The following IQCH variants were observed in gnomAD, a reference collection of about 807,000 sequenced individuals.
The protein encoded by IQCH is IQ motif containing H, also known as IQ domain-containing protein H.
A neutral mutation model predicts 117.0 loss-of-function variants in IQCH; 98 were observed. That is an observed-to-expected ratio of 0.84 (90% CI 0.71 to 0.99). IQCH has a LOEUF of 0.99. Ranked by LOEUF, IQCH falls within the 50% of genes least tolerant of loss-of-function variation. The probability of loss-of-function intolerance (pLI) is 0.00; values close to 1 mark genes in which losing one functional copy is unlikely to be tolerated. For missense variants in IQCH, 1,102 were observed against 1,243.8 expected (o/e 0.89, Z 1.72); for synonymous variants, 412 against 448.2 (o/e 0.92, Z 1.02).
At position 67,500,978 on chromosome 15, in the gene IQCH, C is replaced by A; in HGVS notation, c.*232C>A. The A allele has an allele frequency of 3.5e-6, 1 of 285,188 alleles. No homozygotes were observed. 17.7% of individuals were successfully genotyped at this position (285,188 alleles called of 1,614,324 possible). A position where few individuals can be genotyped will look rare whatever the true frequency, so the allele number is the denominator to read the frequency against. On this transcript the variant is annotated 3_prime_UTR_variant, in exon 21 of 21. Coordinates refer to ENST00000335894, the MANE Select transcript of IQCH (RefSeq NM_001031715.3). The surrounding 1 kb of genome is among the most constrained non-coding windows in gnomAD (Gnocchi z 4.4). ...TTTCATTTGAGAGTGTTGAACAATC[C>A]CTTCTTCTTCTCAAACTCAGAAAAA... is the stretch of plus-strand genomic sequence containing the variant.
chr15:67,469,047 T>G (rs1360227405), intron 17 of IQCH, among the ~76,000 whole-genome samples: 1 of 152,248 alleles, frequency 6.6e-6, no homozygotes, highest in Non-Finnish European at 1.5e-5. Context: ...GCTTCCTTTA[T>G]TTAGCTTGAA....
chr15:67,306,882 C>T, intron 4 of IQCH: 1 of 1,522,232 alleles, frequency 6.6e-7, no homozygotes, highest in Non-Finnish European at 8.8e-7. Flanking sequence ...TTCATGTTCC[C>T]TCACTGACAT....
At position 67,443,417 on chromosome 15, in the gene IQCH, G is replaced by A. The variant is rs1046491110; in HGVS notation, c.2506-21710G>A. ...TAAGAATGATACAATCGACTTTGGG[G>A]ACTTGGGGGAAAGAGTGGGAGGGGG... is the stretch of plus-strand genomic sequence containing the variant. On this transcript the variant is annotated intron_variant, in intron 16 of 20. Coordinates refer to ENST00000335894, the MANE Select transcript of IQCH (RefSeq NM_001031715.3). This position sits in a 1 kb window ranked among gnomAD's most constrained non-coding sequence, Gnocchi z 5.0. 6.6e-5 allele frequency among the ~76,000 whole-genome samples: 10 copies of A among 152,136 alleles called. No individual in the cohort carries two copies. The highest frequency in any genetic ancestry group is 2.4e-4 in the African/African-American group (10 of 41,428).
chr15:67,372,104 TCCACAGGC>T lies in IQCH; in HGVS notation c.754-5_756del. 1 of 1,579,896 alleles carries T rather than the reference TCCACAGGC, an allele frequency of 6.3e-7. No homozygotes were observed. Among genetic ancestry groups the T allele is most frequent in the Middle Eastern group, 1.8e-4 (1 of 5,684 alleles). On this transcript the variant is annotated splice_acceptor_variant and splice_polypyrimidine_tract_variant and coding_sequence_variant and intron_variant, in exon 9 of 21. Transcript: ENST00000335894. LOFTEE classifies it high-confidence loss of function. The stretch of plus-strand genomic sequence containing the variant: ...CACTTCTAAAATATATTTCTTTTTT[TCCACAGGC>T]CATGAAAGTCAAAACACCTTTGAGA...
At chr15:67,444,838 A>T (rs186559708) in intron 16 of IQCH, among the ~76,000 whole-genome samples, 1 of 152,242 alleles carries the variant, frequency 6.6e-6, no homozygotes, top group East Asian at 1.9e-4. Flanking sequence ...TTTTGCCAAA[A>T]CCTTACTATG....
chr15:67,332,894 G>A (rs893153533), intron 4 of IQCH, among the ~76,000 whole-genome samples: 8 of 152,114 alleles, frequency 5.3e-5, no homozygotes, highest in Non-Finnish European at 1.2e-4. Flanking sequence ...TTGTCCATTT[G>A]GGCTGCTATA....
In IQCH at chr15:67,465,232, G is replaced by GA; in HGVS notation, c.2613dup (p.Val872SerfsTer53). ...TCTGGATTGCAGTTTGAGCACCCTG[G>GA]AAGTGCCCCGCTTTGTTCCAAAGGA... On this transcript the variant is annotated frameshift_variant, in exon 17 of 21. Transcript: ENST00000335894. LOFTEE classifies it high-confidence loss of function. The surrounding 1 kb of genome is among the most constrained non-coding windows in gnomAD (Gnocchi z 5.9). The GA allele has an allele frequency of 6.2e-7, 1 of 1,614,030 alleles. No homozygotes were observed.
chr15:67,310,980 C>A (rs1019203281), intron 4 of IQCH, among the ~76,000 whole-genome samples: 1 of 152,030 alleles, frequency 6.6e-6, no homozygotes, highest in East Asian at 1.9e-4. Flanking sequence ...ATTGTAGTAG[C>A]ATTTATTAAG....
chr15:67,315,192 C>T (rs1424978144), intron 4 of IQCH, among the ~76,000 whole-genome samples: 1 of 152,142 alleles, frequency 6.6e-6, no homozygotes, highest in Non-Finnish European at 1.5e-5. Context: ...TTCAAATCAG[C>T]CTGATCTGAT....
In IQCH at chr15:67,445,221, T is replaced by C. The variant is rs191573281; in HGVS notation, c.2506-19906T>C. On this transcript the variant is annotated intron_variant, in intron 16 of 20. Transcript: ENST00000335894. This position sits in a 1 kb window ranked among gnomAD's most constrained non-coding sequence, Gnocchi z 4.3. ...CCTTTAAAATCCCTGAAAACCTTTA[T>C]CAAGTTACATGAATCTTTTGCATAA... Among the ~76,000 whole-genome samples the C allele has an allele frequency of 6.6e-6, 1 of 152,316 alleles. No individual in the cohort carries two copies. The highest frequency in any genetic ancestry group is 2.4e-5 in the African/African-American group (1 of 41,558).
intron 10 of IQCH, among the ~76,000 whole-genome samples, chr15:67,374,573 G>T (rs889288996): frequency 6.6e-6 from 1 of 152,052 alleles, no homozygotes; most frequent in African/African-American, 2.4e-5. Flanking sequence ...CTAGACTCTG[G>T]AGTACTTAGA....
intron 10 of IQCH, among the ~76,000 whole-genome samples, chr15:67,377,344 A>G (rs994837530): frequency 1.3e-5 from 2 of 152,024 alleles, no homozygotes; most frequent in Non-Finnish European, 2.9e-5. Flanking sequence ...TTAATTGGAT[A>G]TTACATATTT....
At position 67,443,603 on chromosome 15, in the gene IQCH, G is replaced by A. The variant is rs965438259; in HGVS notation, c.2506-21524G>A. Among the ~76,000 whole-genome samples the A allele has an allele frequency of 2.6e-5, 4 of 152,012 alleles. No homozygotes were observed. The highest frequency in any genetic ancestry group is 2.1e-4 in the South Asian group (1 of 4,812). ...AAATAAAATAAATAAATGCATTATC[G>A]TCCTACCTCCCACATATTACCTTCA... is the stretch of plus-strand genomic sequence containing the variant. On this transcript the variant is annotated intron_variant, in intron 16 of 20. Coordinates refer to ENST00000335894, the MANE Select transcript of IQCH (RefSeq NM_001031715.3). The surrounding 1 kb of genome is among the most constrained non-coding windows in gnomAD (Gnocchi z 5.0).
chr15:67,372,303 G>A lies in IQCH; in HGVS notation c.946G>A (p.Glu316Lys). 4 of 1,614,080 alleles carry A rather than the reference G, an allele frequency of 2.5e-6. No individual in the cohort carries two copies. Among genetic ancestry groups the A allele is most frequent in the Non-Finnish European group, 3.4e-6 (4 of 1,180,002 alleles). Residue 316 changes from glutamate (E) to lysine (K), a missense_variant, in exon 9 of 21, where the codon GAA becomes AAA. Glu to Lys is a moderately conservative substitution (Grantham distance 56). Around this residue, in one of 2 missense-constraint regions of IQCH, gnomAD observed 452 missense variants for 449.6 expected, o/e 1.01. Coordinates refer to ENST00000335894, the MANE Select transcript of IQCH (RefSeq NM_001031715.3). Reference sequence around the variant, plus strand: ...GTTTCTCAGGAACTATGCTATACCAGAAGTCAAAATAAAAGGGAATAATTT... The same window carrying A: ...GTTTCTCAGGAACTATGCTATACCAAAAGTCAAAATAAAAGGGAATAATTT... Reference protein sequence around the residue: ...EKFLRNYAIPEVKIKGNNLVA... With the variant: ...EKFLRNYAIPKVKIKGNNLVA...
chr15:67,299,256 G>A (rs953374648), intron 4 of IQCH, among the ~76,000 whole-genome samples: 4 of 151,790 alleles, frequency 2.6e-5, no homozygotes, highest in African/African-American at 9.7e-5. Context: ...TAGAAGGATG[G>A]TTACCAGAGG....
chr15:67,487,788 T>C (rs1290293569), intron 18 of IQCH, among the ~76,000 whole-genome samples: 1 of 152,216 alleles, frequency 6.6e-6, no homozygotes, highest in East Asian at 1.9e-4. Context: ...GTCCTAATTC[T>C]GGCATGTGAT....
chr15:67,341,365 C>T (rs1439766709), intron 5 of IQCH, among the ~76,000 whole-genome samples: 1 of 152,184 alleles, frequency 6.6e-6, no homozygotes, highest in Non-Finnish European at 1.5e-5. Flanking sequence ...AACTAACAAA[C>T]TGTATTCTCT....
rs1293405301 is a variant in IQCH, at chr15:67,373,429, A to T, written c.1368A>T (p.Ser456=). The part of the protein sequence containing the change: ...TSRRTIIHIP[S]LGYSQPVREH... ...GGAGGACTATTATCCATATCCCATC[A>T]TTAGGTATAACACTTTTGCCTGCAA... The change falls in exon 10 of 21, where the codon TCA becomes TCT. Residue 456 remains serine, a synonymous_variant. Coordinates refer to ENST00000335894, the MANE Select transcript of IQCH (RefSeq NM_001031715.3). 1 of 1,604,268 alleles carries T rather than the reference A, an allele frequency of 6.2e-7. No individual in the cohort carries two copies. Among genetic ancestry groups the T allele is most frequent in the African/African-American group, 1.3e-5 (1 of 74,818 alleles).
intron 4 of IQCH, among the ~76,000 whole-genome samples, chr15:67,319,688 T>C (rs1968020968): frequency 6.6e-6 from 1 of 152,236 alleles, no homozygotes; most frequent in South Asian, 2.1e-4. Flanking sequence ...CCTGTCCTCA[T>C]CACTTTTACT....
Sources: allele counts gnomAD v4.1 joint callset (sites outside exome capture counted in the v4.1 genomes callset), GRCh38; gene constraint gnomAD v4.1.1; regional missense constraint gnomAD v4.1.1; non-coding constraint Gnocchi (gnomAD v3.1); transcripts MANE v1.5; gene names NCBI Gene and HGNC (gene_info 2026-07-23, HGNC 2026-07-21).